SH3GL2: variants seen among roughly 807,000 people sequenced by gnomAD.
SH3GL2 encodes endophilin-A1.
A neutral mutation model predicts 46.0 loss-of-function variants in SH3GL2; 24 were observed. The ratio of observed to expected loss-of-function variants is 0.52; its 90% CI spans 0.38 to 0.73. The LOEUF is 0.73. Among genes scored for constraint, SH3GL2 ranks in the 30% least tolerant of loss-of-function variants. The pLI, the probability that SH3GL2 is intolerant of heterozygous loss-of-function variation, is 0.00. For missense variants in SH3GL2, 413 were observed against 424.2 expected (o/e 0.97, Z 0.23); for synonymous variants, 196 against 147.1 (o/e 1.33, Z -2.40).
At chr9:17,597,279 T>C (rs952445684) in intron 1 of SH3GL2, among the ~76,000 whole-genome samples, 7 of 152,202 alleles carry the variant, frequency 4.6e-5, no homozygotes, top group Admixed American at 6.5e-5. Context: ...CCCAGCACTT[T>C]GGGAGGCTGA....
At chr9:17,762,465 T>G (rs144598835) in intron 3 of SH3GL2, among the ~76,000 whole-genome samples, 1 of 151,750 alleles carries the variant, frequency 6.6e-6, no homozygotes, top group Non-Finnish European at 1.5e-5. Context: ...TACTAAGTGC[T>G]GGCTCCTTTT....
Position 17,659,301 on chromosome 9 carries a change from A to C in SH3GL2, c.45+80014A>C, listed in dbSNP as rs572620836. ...CTGCAGCATTGTCTGTGTTCCTGGG[A>C]GAACTCTTCAGTTCCATTTATTGGC... On this transcript the variant is annotated intron_variant, in intron 1 of 8. Transcript: ENST00000380607. 2.0e-5 allele frequency among the ~76,000 whole-genome samples: 3 copies of C among 152,298 alleles called. No homozygotes were observed. The South Asian group carries it at 6.2e-4, about 32-fold the overall frequency.
At chr9:17,730,457 T>C (rs749193837) in intron 1 of SH3GL2, among the ~76,000 whole-genome samples, 3 of 152,144 alleles carry the variant, frequency 2.0e-5, no homozygotes, top group Non-Finnish European at 4.4e-5. Context: ...TATTTCTTTC[T>C]CTTGCCTGAT....
chr9:17,719,878 T>TTG (rs1448120130), intron 1 of SH3GL2, among the ~76,000 whole-genome samples: 1 of 151,798 alleles, frequency 6.6e-6, no homozygotes, highest in Non-Finnish European at 1.5e-5. Context: ...CCACACTTGA[T>TTG]TTCATGTATC....
chr9:17,735,838 T>C lies in SH3GL2; in HGVS notation c.46-11228T>C, dbSNP rs547342695. On this transcript the variant is annotated intron_variant, in intron 1 of 8. Transcript: ENST00000380607. ...TAGGTGGTGTGGGATTCAGGGACAT[T>C]ACTCTGCGTATATGTTTCATCTATT... 9 of 488,060 alleles carry C rather than the reference T, an allele frequency of 1.8e-5. No individual in the cohort carries two copies. The Admixed American group carries it at 5.7e-4, about 31-fold the overall frequency. 30.2% of individuals were successfully genotyped at this position (488,060 alleles called of 1,614,324 possible).
chr9:17,767,979 G>A (rs1455062396), intron 3 of SH3GL2, among the ~76,000 whole-genome samples: 1 of 152,158 alleles, frequency 6.6e-6, no homozygotes, highest in Admixed American at 6.5e-5. Context: ...GACACTGTAA[G>A]TGATTTAGAC....
chr9:17,595,052 A>G (rs1563775096), intron 1 of SH3GL2, among the ~76,000 whole-genome samples: 1 of 152,186 alleles, frequency 6.6e-6, no homozygotes, highest in Admixed American at 6.5e-5. Context: ...ATTTTAACTC[A>G]TTTATTACTC....
intron 3 of SH3GL2, among the ~76,000 whole-genome samples, chr9:17,768,330 C>T (rs1823374662): frequency 7.2e-6 from 1 of 139,368 alleles, no homozygotes; most frequent in Admixed American, 7.4e-5. Context: ...AGGATCATGC[C>T]ACTGCACTGC....
intron 2 of SH3GL2, among the ~76,000 whole-genome samples, chr9:17,758,373 C>T (rs953995029): frequency 3.3e-5 from 5 of 151,588 alleles, no homozygotes; most frequent in Non-Finnish European, 5.9e-5. Flanking sequence ...CCAGCCTGAC[C>T]AACATGGCAA....
At chr9:17,696,875 A>G (rs535245838) in intron 1 of SH3GL2, among the ~76,000 whole-genome samples, 1 of 152,302 alleles carries the variant, frequency 6.6e-6, no homozygotes, top group East Asian at 1.9e-4. Flanking sequence ...CCACATGCAT[A>G]GCATATCCAT....
rs573551953 is a variant in SH3GL2, at chr9:17,672,228, A to G, written c.46-74838A>G. 8.5e-5 allele frequency among the ~76,000 whole-genome samples: 13 copies of G among 152,302 alleles called. No individual in the cohort carries two copies. The South Asian group carries it at 1.9e-3, about 22-fold the overall frequency. Reference sequence around the variant, plus strand: ...GATATGTATGTAGTGTGGTTTGGCAATAGTTAAAATTGGGAGCAGGAAAGG... The same window carrying G: ...GATATGTATGTAGTGTGGTTTGGCAGTAGTTAAAATTGGGAGCAGGAAAGG... On this transcript the variant is annotated intron_variant, in intron 1 of 8. Transcript: ENST00000380607.
chr9:17,663,225 C>A (rs545689933), intron 1 of SH3GL2, among the ~76,000 whole-genome samples: 1 of 152,240 alleles, frequency 6.6e-6, no homozygotes, highest in South Asian at 2.1e-4. Context: ...AAAAATACCC[C>A]AGCTGAGAAT....
chr9:17,755,236 G>A (rs766242105), intron 2 of SH3GL2, among the ~76,000 whole-genome samples: 23 of 152,132 alleles, frequency 1.5e-4, no homozygotes, highest in Non-Finnish European at 3.1e-4. Flanking sequence ...TACATCTATT[G>A]AGATAATCAT....
intron 1 of SH3GL2, among the ~76,000 whole-genome samples, chr9:17,745,769 C>T (rs1822664896): frequency 6.6e-6 from 1 of 152,058 alleles, no homozygotes; most frequent in Non-Finnish European, 1.5e-5. Context: ...ATGAGGTAAA[C>T]CAGGTTGTTG....
intron 1 of SH3GL2, among the ~76,000 whole-genome samples, chr9:17,724,262 G>C (rs1821967510): frequency 6.6e-6 from 1 of 152,032 alleles, no homozygotes. Context: ...CAAATGAAGT[G>C]CTTAGCCCTT....
At chr9:17,729,895 A>G (rs202053761) in intron 1 of SH3GL2, among the ~76,000 whole-genome samples, 1 of 150,600 alleles carries the variant, frequency 6.6e-6, no homozygotes, top group Non-Finnish European at 1.5e-5. Flanking sequence ...ATGTGGCATG[A>G]TGCCTCCAGC....
chr9:17,769,656 C>G (rs1823416049), intron 3 of SH3GL2, among the ~76,000 whole-genome samples: 1 of 152,164 alleles, frequency 6.6e-6, no homozygotes, highest in Non-Finnish European at 1.5e-5. Context: ...GCCCCGACCC[C>G]TATTGAAAAT....
intron 1 of SH3GL2, among the ~76,000 whole-genome samples, chr9:17,694,933 C>T (rs1821167379): frequency 6.7e-6 from 1 of 148,940 alleles, no homozygotes; most frequent in Non-Finnish European, 1.5e-5. Context: ...TAGGTGATAC[C>T]TTGCACAGCA....
At chr9:17,669,115 G>A (rs751606913) in intron 1 of SH3GL2, among the ~76,000 whole-genome samples, 1 of 152,048 alleles carries the variant, frequency 6.6e-6, no homozygotes, top group Admixed American at 6.6e-5. Flanking sequence ...ATTTTATTTT[G>A]TGTTAGTTTT....
Sources: gnomAD v4.1 joint callset for allele counts (sites outside exome capture counted in the v4.1 genomes callset) on GRCh38, gnomAD v4.1.1 for gene constraint, MANE v1.5 for transcripts, NCBI Gene and HGNC (gene_info 2026-07-23, HGNC 2026-07-21) for gene names.